Variants in UNC13B observed in about 807,000 individuals in gnomAD.
UNC13B encodes unc-13 homolog B.
A neutral mutation model predicts 211.0 loss-of-function variants in UNC13B; 144 were observed. The ratio of observed to expected loss-of-function variants is 0.68; its 90% CI spans 0.60 to 0.78. The LOEUF is 0.78. Among genes scored for constraint, UNC13B ranks in the 30% least tolerant of loss-of-function variants. The pLI is 0.00. For missense variants in UNC13B, 1,777 were observed against 2,002.0 expected, an observed-to-expected ratio of 0.89 and a Z score of 2.14; for synonymous variants, 709 against 725.8, an observed-to-expected ratio of 0.98 and a Z score of 0.37.
chr9:35,351,986 A>T, intron 11 of UNC13B: 1 of 1,232,274 alleles, frequency 8.1e-7, no homozygotes, highest in Non-Finnish European at 1.0e-6. Flanking sequence ...GCAAGGCATC[A>T]GCCGTCTTCA....
intron 1 of UNC13B, among the ~76,000 whole-genome samples, chr9:35,207,034 A>G (rs1392086088): frequency 1.3e-5 from 2 of 152,104 alleles, no homozygotes; most frequent in African/African-American, 4.8e-5. Context: ...CCTGTGTGGC[A>G]TATTTCTGTG....
rs1387469652 is a variant in UNC13B at position 35,165,321 on chromosome 9, T to C, written c.22+3016T>C. 8.5e-5 allele frequency among the ~76,000 whole-genome samples: 13 copies of C among 152,148 alleles called. No individual in the cohort carries two copies. The East Asian group carries it at 2.3e-3, about 27-fold the overall frequency. ...GTTGTTCAGAACAAATGGAATGGGC[T>C]ATGTAGATTTTTTGACACTAAACAG... On this transcript the variant is annotated intron_variant, in intron 1 of 39. Transcript: ENST00000635942.
intron 7 of UNC13B, among the ~76,000 whole-genome samples, chr9:35,272,942 C>A (rs913470823): frequency 1.8e-4 from 28 of 152,152 alleles, no homozygotes; most frequent in African/African-American, 5.8e-4. Flanking sequence ...ATAGCTTGAA[C>A]TTTTGCTTGA....
chr9:35,389,068 A>G (rs951226318), intron 24 of UNC13B, among the ~76,000 whole-genome samples: 23 of 152,210 alleles, frequency 1.5e-4, no homozygotes, highest in Non-Finnish European at 5.9e-5. Flanking sequence ...GACATCCCAC[A>G]TAAAGGCCCT....
chr9:35,266,630 T>C (rs899823778), intron 7 of UNC13B, among the ~76,000 whole-genome samples: 1 of 152,260 alleles, frequency 6.6e-6, no homozygotes, highest in African/African-American at 2.4e-5. Context: ...TGGGATTCTT[T>C]AAAAGTATTG....
intron 1 of UNC13B, among the ~76,000 whole-genome samples, chr9:35,177,355 G>C (rs988261746): frequency 3.9e-5 from 6 of 152,162 alleles, no homozygotes; most frequent in African/African-American, 1.2e-4. Flanking sequence ...GCGGGAATAA[G>C]ACCGAGGAAG....
chr9:35,217,474 C>T (rs570762588), intron 1 of UNC13B, among the ~76,000 whole-genome samples: 80 of 151,340 alleles, frequency 5.3e-4, no homozygotes, highest in Non-Finnish European at 8.3e-4. Context: ...CTGCAAGCTC[C>T]GCCTCCTGGG....
Position 35,399,262 on chromosome 9 carries a change from T to G in UNC13B, c.12176T>G (p.Leu4059Arg). The G allele has an allele frequency of 6.2e-7, 1 of 1,614,156 alleles. No homozygotes were observed. Among genetic ancestry groups the G allele is most frequent in the Non-Finnish European group, 8.5e-7 (1 of 1,180,006 alleles). Reference protein sequence around the residue: ...VMNTMERMIVLPPLTDQTGTQ... With the variant: ...VMNTMERMIVRPPLTDQTGTQ... ...AACACAATGGAGAGGATGATTGTTCTGCCCCCACTCACTGACCAGACGGTA... is the reference window on the plus strand; with the variant it reads ...AACACAATGGAGAGGATGATTGTTCGGCCCCCACTCACTGACCAGACGGTA... Residue 4059 changes from leucine to arginine, a missense_variant, in exon 34 of 40, where the codon CTG becomes CGG. By Grantham distance (102) the Leu-to-Arg change is moderately radical. Transcript: ENST00000635942.
At chr9:35,401,319 T>C (rs966189971) in intron 37 of UNC13B, among the ~76,000 whole-genome samples, 2 of 151,946 alleles carry the variant, frequency 1.3e-5, no homozygotes, top group African/African-American at 4.8e-5. Context: ...AGTAAGAAAA[T>C]GGAAGGGACC....
chr9:35,382,666 G>A (rs979525653), intron 21 of UNC13B, among the ~76,000 whole-genome samples, 159 bp downstream of exon 21: 3 of 151,416 alleles, frequency 2.0e-5, no homozygotes, highest in Admixed American at 6.6e-5. Flanking sequence ...GGGTTCAAGC[G>A]ATTCTCCTTT....
chr9:35,395,406 C>A (rs1205041297), intron 26 of UNC13B, among the ~76,000 whole-genome samples: 1 of 152,162 alleles, frequency 6.6e-6, no homozygotes, highest in Non-Finnish European at 1.5e-5. Flanking sequence ...GAATCCCGGG[C>A]TTCCATTTCC....
At chr9:35,278,507 T>C (rs1462280394) in intron 7 of UNC13B, among the ~76,000 whole-genome samples, 1 of 152,160 alleles carries the variant, frequency 6.6e-6, no homozygotes, top group Non-Finnish European at 1.5e-5. Flanking sequence ...TTCATCCACT[T>C]CTTCAATGTC....
chr9:35,352,785 C>T, intron 11 of UNC13B: 3 of 1,232,244 alleles, frequency 2.4e-6, no homozygotes, highest in Non-Finnish European at 3.0e-6. Flanking sequence ...GCTTCTCTGT[C>T]TACCCCCCAT....
At chr9:35,257,347 A>AAAAATATTTATATAAATATTTAT (rs202226008) in intron 6 of UNC13B, among the ~76,000 whole-genome samples, 1 of 113,762 alleles carries the variant, frequency 8.8e-6, no homozygotes, top group Admixed American at 1.0e-4. Context: ...AAATATTTAT[A>AAAAATATTTATATAAATATTTAT]AAAATATTTA....
chr9:35,262,203 CCTTTT>C (rs1271909100), intron 7 of UNC13B, among the ~76,000 whole-genome samples: 1 of 152,088 alleles, frequency 6.6e-6, no homozygotes, highest in Non-Finnish European at 1.5e-5. Context: ...TTCCTTCATT[CCTTTT>C]CTTTTCTTTG....
rs1198332444 is a variant in UNC13B at position 35,310,690 on chromosome 9, T to C, written c.9232T>C (p.Cys3078Arg). 3.1e-6 allele frequency: 5 copies of C among 1,613,882 alleles called. No individual in the cohort carries two copies. The Admixed American group carries it at 6.7e-5, about 22-fold the overall frequency. The stretch of plus-strand genomic sequence containing the variant: ...AGGTCAAGCAGAGAAGGAGGCAGCA[T>C]GTGAACCCAAGGAGATGAAAGAAGA... ...VTGQAEKEAA[C>R]EPKEMKEDAT... Residue 3078 changes from cysteine to arginine, a missense_variant, in exon 10 of 40, where the codon TGT becomes CGT. Cys to Arg is a radical substitution (Grantham distance 180, BLOSUM62 -3). Transcript: ENST00000635942.
At chr9:35,377,717 G>A (rs1186573662) in intron 16 of UNC13B, 22 bp downstream of exon 16, 2 of 1,608,330 alleles carry the variant, frequency 1.2e-6, no homozygotes, top group East Asian at 2.2e-5. Flanking sequence ...ACAGTTTGAG[G>A]GGACAGGAAG....
chr9:35,289,787 G>A (rs1438917692), intron 7 of UNC13B, among the ~76,000 whole-genome samples: 3 of 152,070 alleles, frequency 2.0e-5, no homozygotes, highest in African/African-American at 4.8e-5. Flanking sequence ...GGCCAGCCTG[G>A]CCAACATGGT....
At chr9:35,243,868 AAAG>A (rs1157297309) in intron 6 of UNC13B, among the ~76,000 whole-genome samples, 2 of 152,114 alleles carry the variant, frequency 1.3e-5, no homozygotes, top group African/African-American at 2.4e-5. Flanking sequence ...GATGGAGGGA[AAAG>A]ATGATAAATT....
Sources: allele counts gnomAD v4.1 joint callset (sites outside exome capture counted in the v4.1 genomes callset), GRCh38; gene constraint gnomAD v4.1.1; transcripts MANE v1.5; gene names NCBI Gene and HGNC (gene_info 2026-07-23, HGNC 2026-07-21).